The following KIF15 variants were observed in gnomAD, a reference collection of about 807,000 sequenced individuals.
The protein encoded by KIF15 is kinesin-like protein KIF15.
Under a neutral mutation model 190.6 loss-of-function variants are expected in KIF15, and 140 were observed. That is an observed-to-expected ratio of 0.73 (90% CI 0.64 to 0.84). The LOEUF is 0.84. KIF15 is among the 40% of genes least tolerant of loss of function. The pLI, the probability that KIF15 is intolerant of heterozygous loss-of-function variation, is 0.00. For missense variants in KIF15, 1,372 were observed against 1,584.4 expected (o/e 0.87, Z 2.28); for synonymous variants, 528 against 551.3 (o/e 0.96, Z 0.59).
At position 44,838,441 on chromosome 3, in the gene KIF15, C is replaced by A; in HGVS notation, c.3318+20C>A. 1 of 1,605,864 alleles carries A rather than the reference C, an allele frequency of 6.2e-7. No individual in the cohort carries two copies. The highest frequency in any genetic ancestry group is 1.1e-5 in the South Asian group (1 of 89,530). ...CACAAGGTGAGAAACACACAGGTGT[C>A]ACTCAAGATGGGAGACAAGAGACCA... On this transcript the variant is annotated intron_variant, in intron 27 of 34. Coordinates refer to ENST00000326047, the MANE Select transcript of KIF15 (RefSeq NM_020242.3).
intron 3 of KIF15, among the ~76,000 whole-genome samples, chr3:44,776,415 C>CT (rs1336708593): frequency 1.4e-5 from 2 of 144,594 alleles, no homozygotes; most frequent in Non-Finnish European, 3.0e-5. Context: ...GAGCAAGACT[C>CT]TATCTCTTAA....
intron 24 of KIF15, among the ~76,000 whole-genome samples, chr3:44,829,083 C>A (rs935714065): frequency 6.6e-6 from 1 of 151,550 alleles, no homozygotes; most frequent in African/African-American, 2.4e-5. Flanking sequence ...TGATGCCAGG[C>A]GCAGTGGCTC....
downstream of KIF15, among the ~76,000 whole-genome samples, chr3:44,857,318 C>G (rs1201383383): frequency 6.6e-6 from 1 of 152,168 alleles, no homozygotes; most frequent in Non-Finnish European, 1.5e-5. Flanking sequence ...ATTATGAGAA[C>G]TGTAGAAAGT....
intron 6 of KIF15, chr3:44,865,060 G>A (rs1300193081): frequency 1.2e-6 from 2 of 1,614,056 alleles, no homozygotes; most frequent in East Asian, 2.2e-5. Flanking sequence ...GCTATGTGCT[G>A]TATGGAGAGT....
At chr3:44,856,427 C>T (rs957638213), downstream of KIF15, among the ~76,000 whole-genome samples, 7 of 152,030 alleles carry the variant, frequency 4.6e-5, no homozygotes, top group East Asian at 1.9e-4. Context: ...TTCTAAGAGG[C>T]GGGTTAGCGG....
intron 11 of KIF15, among the ~76,000 whole-genome samples, chr3:44,801,131 C>T (rs1011952577): frequency 2.1e-4 from 31 of 149,558 alleles, no homozygotes; most frequent in Admixed American, 6.8e-5. Flanking sequence ...CCTCAGCCTC[C>T]TGAGTAGCTG....
chr3:44,842,799 A>T (rs1020862705), intron 29 of KIF15, among the ~76,000 whole-genome samples: 1 of 152,250 alleles, frequency 6.6e-6, no homozygotes, highest in African/African-American at 2.4e-5. Context: ...ATTAGAATCT[A>T]CGTAATAAAT....
intron 6 of KIF15, among the ~76,000 whole-genome samples, chr3:44,866,055 GTTTTTTGT>G (rs1485243443): frequency 2.2e-4 from 32 of 146,182 alleles, no homozygotes; most frequent in African/African-American, 7.5e-4. Flanking sequence ...GTTTTTTTTT[GTTTTTTGT>G]TTTTTTGTTT....
chr3:44,852,048 T>C (rs1203301204), intron 33 of KIF15, 96 bp downstream of exon 33: 3 of 1,463,768 alleles, frequency 2.0e-6, no homozygotes, highest in Non-Finnish European at 2.8e-6. Flanking sequence ...GTGTCCTTAG[T>C]TCAGAGTTGC....
intron 8 of KIF15, among the ~76,000 whole-genome samples, chr3:44,795,410 G>A (rs1340126866): frequency 6.6e-6 from 1 of 152,144 alleles, no homozygotes; most frequent in Non-Finnish European, 1.5e-5. Flanking sequence ...AGGACCAGGA[G>A]TGCCAGGCCA....
chr3:44,858,627 T>A (rs1440855785), intron 6 of KIF15, among the ~76,000 whole-genome samples: 2 of 152,106 alleles, frequency 1.3e-5, no homozygotes, highest in Non-Finnish European at 2.9e-5. Context: ...GGGAAGCAGA[T>A]AATTTGGTTA....
chr3:44,857,040 G>C (rs999489433), downstream of KIF15, among the ~76,000 whole-genome samples: 1 of 152,192 alleles, frequency 6.6e-6, no homozygotes, highest in African/African-American at 2.4e-5. Flanking sequence ...ATTAGGCCTG[G>C]TGGAACTGCC....
At chr3:44,853,997 G>A (rs1171979798), downstream of KIF15, among the ~76,000 whole-genome samples, 2 of 152,130 alleles carry the variant, frequency 1.3e-5, no homozygotes, top group African/African-American at 2.4e-5. Context: ...GGATGGGAGT[G>A]GGAATGACTG....
At position 44,830,435 on chromosome 3, in the gene KIF15, AAAGT is replaced by A. The variant is rs548239173; in HGVS notation, c.3048+363_3048+366del. ...GGTGTTTTTTAGTGGCTTTGAGGAA[AAAGT>A]AACACAGTAGCACATTGCAGTTAAG... On this transcript the variant is annotated intron_variant, in intron 25 of 34. Coordinates refer to ENST00000326047, the MANE Select transcript of KIF15 (RefSeq NM_020242.3). Among the ~76,000 whole-genome samples the A allele has an allele frequency of 3.9e-3, 589 of 152,352 alleles. 3 individuals carry two copies. Among genetic ancestry groups the A allele is most frequent in the Non-Finnish European group, 6.3e-3 (427 of 68,040 alleles).
At position 44,834,864 on chromosome 3, in the gene KIF15, CAG is replaced by C. The variant is rs1314719518; in HGVS notation, c.3172-3408_3172-3407del. Among the ~76,000 whole-genome samples, 122 of 151,828 alleles carry C rather than the reference CAG, an allele frequency of 8.0e-4. 3 individuals carry two copies. In the East Asian group the frequency reaches 0.017, roughly 21 times the overall value. On this transcript the variant is annotated intron_variant, in intron 26 of 34. Coordinates refer to ENST00000326047, the MANE Select transcript of KIF15 (RefSeq NM_020242.3). Reference sequence around the variant, plus strand: ...AGGAGAATCGCTGGAACCTAGGAGGCAGAGGTTGCAGTGAGCCAAGATCGCGC... The same window carrying C: ...AGGAGAATCGCTGGAACCTAGGAGGCAGGTTGCAGTGAGCCAAGATCGCGC...
At chr3:44,795,820 T>C (rs1032973086) in intron 8 of KIF15, among the ~76,000 whole-genome samples, 7 of 152,108 alleles carry the variant, frequency 4.6e-5, no homozygotes, top group African/African-American at 1.7e-4. Context: ...AGTGAGGATT[T>C]GAGTCGCCTG....
chr3:44,848,249 A>G (rs1328298964), intron 31 of KIF15, among the ~76,000 whole-genome samples, 192 bp downstream of exon 31: 1 of 152,262 alleles, frequency 6.6e-6, no homozygotes, highest in Non-Finnish European at 1.5e-5. Context: ...CTTCATGCCT[A>G]CATGGCAAGC....
At chr3:44,800,538 T>G (rs1575610029) in intron 11 of KIF15, 101 bp downstream of exon 11, 13 of 1,282,708 alleles carry the variant, frequency 1.0e-5, no homozygotes, top group Admixed American at 2.4e-5. Flanking sequence ...ACCCAAATTT[T>G]TCTGCAGGTA....
chr3:44,832,822 C>T (rs1209544287), intron 26 of KIF15, among the ~76,000 whole-genome samples: 4 of 151,944 alleles, frequency 2.6e-5, no homozygotes, highest in Non-Finnish European at 4.4e-5. Flanking sequence ...CCAGACCAGC[C>T]TGGCCAACAT....
Sources: gnomAD v4.1 joint callset for allele counts (sites outside exome capture counted in the v4.1 genomes callset) on GRCh38, gnomAD v4.1.1 for gene constraint, MANE v1.5 for transcripts, NCBI Gene and HGNC (gene_info 2026-07-23, HGNC 2026-07-21) for gene names.